Variants in CNTN6 observed in about 807,000 individuals in gnomAD.
CNTN6 encodes the protein contactin-6.
CNTN6 carries 137 observed loss-of-function variants against 122.8 expected under a neutral mutation model. The ratio of observed to expected loss-of-function variants is 1.12; its 90% CI spans 0.97 to 1.29. The LOEUF is 1.29. Ranked by LOEUF, CNTN6 falls within the 50% of genes most tolerant of loss-of-function variation. The pLI, the probability that CNTN6 is intolerant of heterozygous loss-of-function variation, is 0.00. For synonymous variants in CNTN6, 570 were observed against 426.0 expected, an observed-to-expected ratio of 1.34 and a Z score of -4.16; for missense variants, 1,634 against 1,223.4, an observed-to-expected ratio of 1.34 and a Z score of -5.01.
chr3:1,297,320 G>T (rs1454824534), intron 6 of CNTN6, among the ~76,000 whole-genome samples: 1 of 152,050 alleles, frequency 6.6e-6, no homozygotes, highest in African/African-American at 2.4e-5. Context: ...AATGAGAATA[G>T]CCTACAGATA....
rs1575020253 is a variant in CNTN6 at position 1,148,033 on chromosome 3, A to T, written c.25A>T (p.Ile9Phe). The change falls in exon 2 of 23, where the codon ATT (isoleucine) becomes TTT (phenylalanine). Residue 9 changes from isoleucine to phenylalanine, a missense_variant. Transcript: ENST00000446702. Reference protein sequence around the residue: MRLLWKLVILLPLINSSAG... With the variant: MRLLWKLVFLLPLINSSAG... The stretch of plus-strand genomic sequence containing the variant: ...AATGAGGTTGCTATGGAAACTGGTA[A>T]TTCTGCTGCCACTCATAAACTCTTC... 6.2e-7 allele frequency: 1 copy of T among 1,608,400 alleles called. No homozygotes were observed. The highest frequency in any genetic ancestry group is 8.5e-7 in the Non-Finnish European group (1 of 1,175,866).
At chr3:1,099,004 AT>A (rs924485504) in intron 1 of CNTN6, among the ~76,000 whole-genome samples, 1 of 151,034 alleles carries the variant, frequency 6.6e-6, no homozygotes, top group African/African-American at 2.4e-5. Flanking sequence ...CTCATTCTAC[AT>A]TACCATGAAT....
At chr3:1,401,265 A>C in intron 20 of CNTN6, 168 bp from the exon 21 acceptor site, 1 of 574,348 alleles carries the variant, frequency 1.7e-6, no homozygotes, top group Non-Finnish European at 3.1e-6. Flanking sequence ...GATTTGAATA[A>C]ATTTGCTTAC....
At chr3:1,172,576 T>C (rs1477672378) in intron 2 of CNTN6, among the ~76,000 whole-genome samples, 1 of 152,160 alleles carries the variant, frequency 6.6e-6, no homozygotes, top group African/African-American at 2.4e-5. Flanking sequence ...CCCAAAAGCA[T>C]CCAAGAATCC....
At chr3:1,129,272 C>T (rs923110961) in intron 1 of CNTN6, among the ~76,000 whole-genome samples, 1 of 151,986 alleles carries the variant, frequency 6.6e-6, no homozygotes, top group Non-Finnish European at 1.5e-5. Context: ...ATTTTAAGTG[C>T]AAGTTAGAGG....
At chr3:1,303,963 T>C (rs1027568853) in intron 7 of CNTN6, among the ~76,000 whole-genome samples, 1 of 152,156 alleles carries the variant, frequency 6.6e-6, no homozygotes, top group Non-Finnish European at 1.5e-5. Flanking sequence ...TCCAGGCCTA[T>C]TTGAGCTCTG....
chr3:1,381,025 T>G (rs1220401701), intron 17 of CNTN6, among the ~76,000 whole-genome samples: 5 of 152,194 alleles, frequency 3.3e-5, no homozygotes, highest in Non-Finnish European at 5.9e-5. Flanking sequence ...AAGGGAAGTA[T>G]CTAAATAAGT....
chr3:1,388,247 C>A (rs1440473686), intron 20 of CNTN6, among the ~76,000 whole-genome samples: 2 of 148,938 alleles, frequency 1.3e-5, no homozygotes, highest in Non-Finnish European at 1.5e-5. Context: ...CAAGTGGGTC[C>A]CTGACCCCTG....
intron 20 of CNTN6, among the ~76,000 whole-genome samples, chr3:1,396,757 G>A (rs1002130355): frequency 3.3e-5 from 5 of 152,110 alleles, no homozygotes; most frequent in Admixed American, 6.6e-5. Context: ...TTTAAGGGTC[G>A]TAGAAGGACA....
At chr3:1,390,807 A>G (rs1447259359) in intron 20 of CNTN6, among the ~76,000 whole-genome samples, 3 of 151,574 alleles carry the variant, frequency 2.0e-5, no homozygotes, top group African/African-American at 7.3e-5. Context: ...AAAATCTAGA[A>G]GAAATGGATA....
chr3:1,289,666 GT>G (rs1559721849), intron 5 of CNTN6, among the ~76,000 whole-genome samples: 1 of 106,646 alleles, frequency 9.4e-6, no homozygotes, highest in South Asian at 3.0e-4. Flanking sequence ...GTTTTGTTTT[GT>G]TTTTTTGGGT....
At chr3:1,360,930 C>G (rs1309024359) in intron 12 of CNTN6, among the ~76,000 whole-genome samples, 2 of 151,954 alleles carry the variant, frequency 1.3e-5, no homozygotes, top group Non-Finnish European at 2.9e-5. Flanking sequence ...TAATTTTTTT[C>G]TTTCATTTAA....
At chr3:1,298,647 TA>T (rs575531400) in intron 7 of CNTN6, among the ~76,000 whole-genome samples, 5 of 152,270 alleles carry the variant, frequency 3.3e-5, no homozygotes, top group African/African-American at 1.2e-4. Context: ...TTTGTGCCTA[TA>T]AACACCAGAA....
intron 2 of CNTN6, among the ~76,000 whole-genome samples, chr3:1,160,914 A>T (rs1414383313): frequency 1.3e-5 from 2 of 152,072 alleles, no homozygotes; most frequent in African/African-American, 4.8e-5. Flanking sequence ...CAATTAAAAT[A>T]ATTATATTCA....
chr3:1,249,084 A>G (rs2094622199), intron 4 of CNTN6, among the ~76,000 whole-genome samples: 1 of 152,186 alleles, frequency 6.6e-6, no homozygotes. Context: ...TGCCCTGGAC[A>G]GATATCAGAC....
At chr3:1,181,111 C>A (rs1452746523) in intron 2 of CNTN6, among the ~76,000 whole-genome samples, 2 of 151,982 alleles carry the variant, frequency 1.3e-5, no homozygotes, top group Non-Finnish European at 2.9e-5. Flanking sequence ...TAGTGTATGA[C>A]CTTTTTTCCC....
chr3:1,347,532 G>A (rs1704922687), intron 11 of CNTN6, among the ~76,000 whole-genome samples: 1 of 152,074 alleles, frequency 6.6e-6, no homozygotes, highest in African/African-American at 2.4e-5. Flanking sequence ...AGAGTCTGGG[G>A]ACTGATAACC....
chr3:1,310,792 A>G (rs1699109058), intron 7 of CNTN6, among the ~76,000 whole-genome samples: 1 of 152,190 alleles, frequency 6.6e-6, no homozygotes, highest in African/African-American at 2.4e-5. Context: ...GCCTGAGGTC[A>G]GGAGTTTGAG....
chr3:1,104,862 A>T (rs1250656059), intron 1 of CNTN6, among the ~76,000 whole-genome samples: 2 of 152,120 alleles, frequency 1.3e-5, no homozygotes, highest in Non-Finnish European at 2.9e-5. Flanking sequence ...AGTATCATTA[A>T]ATATTCTCCT....
Sources: gnomAD v4.1 joint callset for allele counts (sites outside exome capture counted in the v4.1 genomes callset) on GRCh38, gnomAD v4.1.1 for gene constraint, MANE v1.5 for transcripts, NCBI Gene and HGNC (gene_info 2026-07-23, HGNC 2026-07-21) for gene names.